The following PLXDC2 variants were observed in gnomAD, a reference collection of about 807,000 sequenced individuals.
The protein encoded by PLXDC2 is plexin domain-containing protein 2.
In PLXDC2, 40 loss-of-function variants were observed where a neutral mutation model predicts 68.9. The ratio of observed to expected loss-of-function variants is 0.58; its 90% CI spans 0.45 to 0.76. PLXDC2 has a LOEUF of 0.76. Ranked by LOEUF, PLXDC2 falls within the 30% of genes least tolerant of loss-of-function variation. PLXDC2 has a pLI of 0.00. For synonymous variants in PLXDC2, 243 were observed against 234.2 expected (o/e 1.04, Z -0.34); for missense variants, 644 against 661.9 (o/e 0.97, Z 0.30).
chr10:20,075,593 G>T (rs190851826), intron 4 of PLXDC2, among the ~76,000 whole-genome samples: 2 of 152,244 alleles, frequency 1.3e-5, no homozygotes, highest in East Asian at 3.9e-4. Context: ...CTTGTGGCAG[G>T]GGTGGGAAGC....
chr10:20,226,753 G>A (rs1835292673), intron 12 of PLXDC2, among the ~76,000 whole-genome samples: 1 of 152,088 alleles, frequency 6.6e-6, no homozygotes, highest in Non-Finnish European at 1.5e-5. Flanking sequence ...AGCTCTAAAT[G>A]CACTTTCCAT....
chr10:20,091,277 A>T (rs1833272944), intron 4 of PLXDC2, among the ~76,000 whole-genome samples: 1 of 152,056 alleles, frequency 6.6e-6, no homozygotes, highest in South Asian at 2.1e-4. Context: ...CTGTATTTTT[A>T]TCCACCCCTT....
In PLXDC2 at chr10:20,287,983, G is replaced by GT. The variant is rs1564377789; in HGVS notation, c.*8164_*8165insT. The stretch of plus-strand genomic sequence containing the variant: ...GAAATTGGGCACTTCTTGCGGCGGG[G>GT]GAGGGGGGGGGGGCGGTGGCTTTCC... On this transcript the variant is annotated 3_prime_UTR_variant, in exon 14 of 14. Transcript: ENST00000377252. 9.4e-5 allele frequency: 10 copies of GT among 106,110 alleles called. 2 individuals carry two copies. The highest frequency in any genetic ancestry group is 1.8e-4 in the Non-Finnish European group (9 of 50,140). The allele number at this position is 106,110 out of a possible 1,614,324, so 6.6% of individuals were successfully genotyped here. A position where few individuals can be genotyped will look rare whatever the true frequency, so the allele number is the denominator to read the frequency against.
chr10:19,963,775 A>G (rs989468526), intron 1 of PLXDC2, among the ~76,000 whole-genome samples: 12 of 152,080 alleles, frequency 7.9e-5, no homozygotes, highest in African/African-American at 2.7e-4. Context: ...AACATGGCAC[A>G]TGTATACATA....
intron 13 of PLXDC2, among the ~76,000 whole-genome samples, chr10:20,249,556 A>C (rs1384929183): frequency 1.3e-5 from 2 of 152,056 alleles, no homozygotes; most frequent in African/African-American, 4.8e-5. Flanking sequence ...CCACCGTCAC[A>C]TCTCCTACCA....
At chr10:20,032,903 A>C (rs989563385) in intron 2 of PLXDC2, among the ~76,000 whole-genome samples, 5 of 151,756 alleles carry the variant, frequency 3.3e-5, no homozygotes, top group Non-Finnish European at 7.4e-5. Flanking sequence ...AGTTTTTGTA[A>C]ATACGTGATT....
intron 13 of PLXDC2, among the ~76,000 whole-genome samples, chr10:20,274,904 A>G (rs1336949088): frequency 6.6e-6 from 1 of 151,980 alleles, no homozygotes; most frequent in Non-Finnish European, 1.5e-5. Flanking sequence ...GTATATGTCC[A>G]ATTAAATATA....
chr10:20,084,683 A>G (rs1296236092), intron 4 of PLXDC2, among the ~76,000 whole-genome samples: 1 of 152,060 alleles, frequency 6.6e-6, no homozygotes, highest in Non-Finnish European at 1.5e-5. Flanking sequence ...CCAGACCATG[A>G]GATTCCTCTA....
At chr10:20,170,264 C>T (rs1834429592) in intron 7 of PLXDC2, among the ~76,000 whole-genome samples, 1 of 152,166 alleles carries the variant, frequency 6.6e-6, no homozygotes, top group South Asian at 2.1e-4. Flanking sequence ...GATCTTGGCT[C>T]ACTGCAACCT....
rs181107258 is a variant in PLXDC2, at chr10:20,153,640, C to T, written c.783+5738C>T. ...CATTTCTTGAGCTCTTCATATATGT[C>T]AAGCACCGACCTAAGCATTTAAAAT... On this transcript the variant is annotated intron_variant, in intron 6 of 13. Transcript: ENST00000377252. Among the ~76,000 whole-genome samples the T allele has an allele frequency of 6.1e-3, 932 of 152,268 alleles. 3 individuals are homozygous for T. Among genetic ancestry groups the T allele is most frequent in the Non-Finnish European group, 0.01 (685 of 68,016 alleles).
At chr10:19,943,196 A>C (rs938847806) in intron 1 of PLXDC2, among the ~76,000 whole-genome samples, 1 of 152,202 alleles carries the variant, frequency 6.6e-6, no homozygotes, top group East Asian at 1.9e-4. Flanking sequence ...ACGATTATTG[A>C]ATAATCCAGA....
chr10:19,906,517 GT>G (rs1348851883), intron 1 of PLXDC2, among the ~76,000 whole-genome samples: 1 of 152,210 alleles, frequency 6.6e-6, no homozygotes, highest in Non-Finnish European at 1.5e-5. Context: ...TTAGTTGCCT[GT>G]TACATGACTC....
intron 13 of PLXDC2, among the ~76,000 whole-genome samples, chr10:20,265,533 C>A (rs1487799570): frequency 6.6e-6 from 1 of 152,144 alleles, no homozygotes; most frequent in Non-Finnish European, 1.5e-5. Context: ...CATATACATG[C>A]ACATTCTAAG....
At chr10:19,916,581 G>C (rs116861924) in intron 1 of PLXDC2, among the ~76,000 whole-genome samples, 4,220 of 152,128 alleles carry the variant, frequency 0.028, 87 homozygotes, top group Non-Finnish European at 0.041. Context: ...GCTAAGCTAT[G>C]TACTATATAA....
intron 1 of PLXDC2, among the ~76,000 whole-genome samples, chr10:19,934,034 T>G (rs1336828517): frequency 6.6e-6 from 1 of 152,236 alleles, no homozygotes; most frequent in Non-Finnish European, 1.5e-5. Context: ...CAAAGTCCTA[T>G]TAATCTCTCT....
chr10:19,962,197 T>G (rs1057393806), intron 1 of PLXDC2, among the ~76,000 whole-genome samples: 1 of 152,084 alleles, frequency 6.6e-6, no homozygotes, highest in Admixed American at 6.5e-5. Context: ...CTTACTGAGT[T>G]TAGAGCACTT....
intron 1 of PLXDC2, among the ~76,000 whole-genome samples, chr10:19,924,021 ACT>A (rs1438116667): frequency 6.6e-6 from 1 of 152,018 alleles, no homozygotes; most frequent in East Asian, 1.9e-4. Flanking sequence ...CATGATCTTC[ACT>A]CCAGCTTGGG....
intron 1 of PLXDC2, among the ~76,000 whole-genome samples, chr10:19,938,366 G>T (rs577473925): frequency 6.6e-6 from 1 of 152,152 alleles, no homozygotes; most frequent in Admixed American, 6.5e-5. Context: ...AAGAAAAGAG[G>T]TTTCATTGAC....
intron 1 of PLXDC2, among the ~76,000 whole-genome samples, chr10:19,992,303 C>G (rs1355223610): frequency 2.6e-5 from 4 of 152,072 alleles, no homozygotes; most frequent in East Asian, 1.9e-4. Flanking sequence ...AGTTACATAC[C>G]TAAACATTTT....
Sources: gnomAD v4.1 joint callset for allele counts (sites outside exome capture counted in the v4.1 genomes callset) on GRCh38, gnomAD v4.1.1 for gene constraint, MANE v1.5 for transcripts, NCBI Gene and HGNC (gene_info 2026-07-23, HGNC 2026-07-21) for gene names.